Variants in UACA observed in about 807,000 individuals in gnomAD.
UACA encodes the protein uveal autoantigen with coiled-coil domains and ankyrin repeats.
A neutral mutation model predicts 160.5 loss-of-function variants in UACA; 112 were observed. The ratio of observed to expected loss-of-function variants is 0.70; its 90% confidence interval spans 0.60 to 0.82. The LOEUF is 0.82. UACA is among the 40% of genes least tolerant of loss of function. The pLI is 0.00. For missense variants in UACA, 1,574 were observed against 1,614.6 expected (o/e 0.97, Z 0.43); for synonymous variants, 557 against 568.4 (o/e 0.98, Z 0.29).
intron 1 of UACA, among the ~76,000 whole-genome samples, chr15:70,745,263 C>T (rs1253482383): frequency 6.6e-6 from 1 of 151,742 alleles, no homozygotes; most frequent in Admixed American, 6.6e-5. Flanking sequence ...AACCCCTTCT[C>T]TACTAAAAAA....
In UACA at chr15:70,695,032, T is replaced by C. The variant is rs1467685570; in HGVS notation, c.286A>G (p.Thr96Ala). The C allele has an allele frequency of 1.9e-6, 3 of 1,609,702 alleles. No individual in the cohort carries two copies. Among genetic ancestry groups the C allele is most frequent in the Admixed American group, 3.3e-5 (2 of 59,754 alleles). The change falls in exon 3 of 19, where the codon ACC becomes GCC. Residue 96 changes from threonine to alanine, a missense_variant. By Grantham distance (58) the Thr-to-Ala change is moderately conservative. Coordinates refer to ENST00000322954, the MANE Select transcript of UACA (RefSeq NM_018003.4). ...GCAAACATACCTGCAGTGTCACTGG[T>C]TGTAATATCAACTCCATGTATAAGG... ...AILIHGVDIT[T>A]SDTAGRNALH...
intron 1 of UACA, among the ~76,000 whole-genome samples, chr15:70,707,750 T>C (rs1313050444): frequency 6.6e-6 from 1 of 151,656 alleles, no homozygotes; most frequent in Non-Finnish European, 1.5e-5. Context: ...AATGCTAACA[T>C]CCCAAAATAA....
At chr15:70,659,395 GTTTTTTTTTTTTTTTTTTT>G (rs71152307) in intron 18 of UACA, among the ~76,000 whole-genome samples, 1 of 18,818 alleles carries the variant, frequency 5.3e-5, no homozygotes, top group Non-Finnish European at 9.6e-5. Context: ...TTTTTTGTTT[GTTTTTTTTTTTTTTTTTTT>G]TTTTTTTTGC....
chr15:70,749,129 C>A, intron 1 of UACA: 1 of 374,246 alleles, frequency 2.7e-6, no homozygotes, highest in Non-Finnish European at 5.4e-6. Context: ...GTGAATGCAC[C>A]AAAATGTTAA....
At chr15:70,717,284 T>C (rs1435030771) in intron 1 of UACA, among the ~76,000 whole-genome samples, 1 of 152,162 alleles carries the variant, frequency 6.6e-6, no homozygotes, top group Non-Finnish European at 1.5e-5. Context: ...ACATTCACAC[T>C]TGAATGGAAA....
the UACA span, among the ~76,000 whole-genome samples, chr15:70,768,752 C>T: frequency 1.4e-4 from 22 of 152,026 alleles, no homozygotes; most frequent in Admixed American, 6.5e-4. Context: ...TGCAATGAGC[C>T]GAAAAACTTT....
At chr15:70,757,357 G>A (rs1289510807) in intron 1 of UACA, among the ~76,000 whole-genome samples, 1 of 152,180 alleles carries the variant, frequency 6.6e-6, no homozygotes, top group Non-Finnish European at 1.5e-5. Flanking sequence ...ATGCCAGCTT[G>A]TCTTTCTTTT....
chr15:70,718,179 T>C (rs1898876703), intron 1 of UACA, among the ~76,000 whole-genome samples: 1 of 149,064 alleles, frequency 6.7e-6, no homozygotes, highest in South Asian at 2.1e-4. Flanking sequence ...AAAGTTATGA[T>C]ATATTGTATT....
rs34478198 is a variant in UACA, at chr15:70,706,519, T to TAAAA, written c.79-6863_79-6860dup. ...TCTCAAATGCAATGATCTTATTTGT[T>TAAAA]AAAAAAAAAAAAAAAAAACTCTAAA... On this transcript the variant is annotated intron_variant, in intron 1 of 18. Coordinates refer to ENST00000322954, the MANE Select transcript of UACA (RefSeq NM_018003.4). 5.8e-5 allele frequency among the ~76,000 whole-genome samples: 7 copies of TAAAA among 121,350 alleles called. No homozygotes were observed. The East Asian group carries it at 1.7e-3, about 29-fold the overall frequency. 79.6% of individuals were successfully genotyped at this position (121,350 alleles called of 152,430 possible). A position where few individuals can be genotyped will look rare whatever the true frequency, so the allele number is the denominator to read the frequency against.
chr15:70,772,847 G>T, the UACA span, among the ~76,000 whole-genome samples: 1 of 152,104 alleles, frequency 6.6e-6, no homozygotes, highest in East Asian at 1.9e-4. Context: ...CCAGCACTTT[G>T]GGAGGCCAAG....
chr15:70,656,271 A>C lies in UACA; in HGVS notation c.*785T>G, dbSNP rs984432070. On this transcript the variant is annotated 3_prime_UTR_variant, in exon 19 of 19. Coordinates refer to ENST00000322954, the MANE Select transcript of UACA (RefSeq NM_018003.4). ...GAATGTCAAACTAATTGCTAAAAAA[A>C]GTCTAAAGGTTTTCACACTTTGAAA... 6.6e-6 allele frequency: 1 copy of C among 152,186 alleles called. No homozygotes were observed. Among genetic ancestry groups the C allele is most frequent in the African/African-American group, 2.4e-5 (1 of 41,448 alleles). 9.4% of individuals were successfully genotyped at this position (152,186 alleles called of 1,614,324 possible). A position where few individuals can be genotyped will look rare whatever the true frequency, so the allele number is the denominator to read the frequency against.
At chr15:70,691,234 A>T in intron 4 of UACA, 65 bp downstream of exon 4, 1 of 1,202,398 alleles carries the variant, frequency 8.3e-7, no homozygotes, top group Non-Finnish European at 1.2e-6. Flanking sequence ...CCAAAAACAC[A>T]TTAAAAGTAC....
Position 70,699,803 on chromosome 15 carries a change from T to C in UACA, c.79-143A>G. 2.3e-6 allele frequency: 2 copies of C among 884,724 alleles called. 1 individual carries two copies. 54.8% of individuals were successfully genotyped at this position (884,724 alleles called of 1,614,324 possible). ...TTGCATTCCAAATTTCCTTCTCCCT[T>C]CTGTGCTAACTTCATTAGGAGAGCA... On this transcript the variant is annotated intron_variant, in intron 1 of 18. Transcript: ENST00000322954.
the UACA span, among the ~76,000 whole-genome samples, chr15:70,777,972 C>T: frequency 3.3e-5 from 5 of 152,094 alleles, no homozygotes; most frequent in Non-Finnish European, 5.9e-5. Flanking sequence ...GTTTGTCTCC[C>T]CCAATAAATT....
Position 70,671,956 on chromosome 15 carries a change from T to C in UACA, c.1168+9A>G, listed in dbSNP as rs769808935. ...GAACTGTAATGATAATCCATACTTT[T>C]ATACTTACGGTTACTGAAATGACTT... On this transcript the variant is annotated intron_variant, in intron 14 of 18. Transcript: ENST00000322954. 4 of 1,595,876 alleles carry C rather than the reference T, an allele frequency of 2.5e-6. No individual in the cohort carries two copies. In the Admixed American group the frequency reaches 5.2e-5, roughly 21 times the overall value.
rs1383179345 is a variant in UACA at position 70,679,437 on chromosome 15, A to AATAAATAAATAG, written c.891+170_891+171insCTATTTATTTAT. Among the ~76,000 whole-genome samples, 1,259 of 148,124 alleles carry AATAAATAAATAG rather than the reference A, an allele frequency of 8.5e-3. 8 individuals carry two copies. The highest frequency in any genetic ancestry group is 0.012 in the Non-Finnish European group (809 of 66,726). ...AAATAAATAAATAAATAAATAAATAAATAGAAGAGATTAGGCAAAAAAAAA... is the reference window on the plus strand; with the variant it reads ...AAATAAATAAATAAATAAATAAATAAATAAATAAATAGATAGAAGAGATTAGGCAAAAAAAAA... On this transcript the variant is annotated intron_variant, in intron 10 of 18. Transcript: ENST00000322954.
intron 8 of UACA, among the ~76,000 whole-genome samples, chr15:70,683,793 G>T (rs963138503): frequency 3.3e-5 from 5 of 151,876 alleles, no homozygotes; most frequent in African/African-American, 1.2e-4. Flanking sequence ...CTTCTCAGTG[G>T]TAATGAGTGA....
At chr15:70,751,363 C>G (rs1038838564) in intron 1 of UACA, among the ~76,000 whole-genome samples, 1 of 152,008 alleles carries the variant, frequency 6.6e-6, no homozygotes, top group Non-Finnish European at 1.5e-5. Context: ...TATATAAAAG[C>G]CTATTAATTG....
At chr15:70,762,838 G>C (rs771836614) in intron 1 of UACA, among the ~76,000 whole-genome samples, 2 of 152,234 alleles carry the variant, frequency 1.3e-5, no homozygotes, top group Non-Finnish European at 2.9e-5. Flanking sequence ...TCAGACCCGG[G>C]GAAGGTCCGG....
Sources: gnomAD v4.1 joint callset for allele counts (sites outside exome capture counted in the v4.1 genomes callset) on GRCh38, gnomAD v4.1.1 for gene constraint, MANE v1.5 for transcripts, NCBI Gene and HGNC (gene_info 2026-07-23, HGNC 2026-07-21) for gene names.